The following FSTL4 variants were observed in gnomAD, a reference collection of about 807,000 sequenced individuals.
FSTL4 encodes the protein follistatin-related protein 4.
FSTL4 carries 28 observed loss-of-function variants against 78.2 expected under a neutral mutation model. The observed-to-expected ratio is 0.36, with a 90% CI of 0.27 to 0.49. The LOEUF is 0.49. FSTL4 is among the 20% of genes least tolerant of loss of function. The pLI is 0.98. For missense variants in FSTL4, 922 were observed against 1,084.9 expected, an observed-to-expected ratio of 0.85 and a Z score of 2.11; for synonymous variants, 422 against 440.5, an observed-to-expected ratio of 0.96 and a Z score of 0.53.
At chr5:133,657,262 G>A in the FSTL4 span, among the ~76,000 whole-genome samples, 62 of 152,296 alleles carry the variant, frequency 4.1e-4, no homozygotes, top group African/African-American at 1.3e-3. Flanking sequence ...GCATTGAGTG[G>A]CACATAGTTT....
the FSTL4 span, among the ~76,000 whole-genome samples, chr5:133,682,329 C>T: frequency 6.6e-6 from 1 of 152,200 alleles, no homozygotes; most frequent in Non-Finnish European, 1.5e-5. Context: ...CTAGTCTGTC[C>T]CAGATCATAG....
At chr5:133,535,090 G>C (rs770024097) in intron 3 of FSTL4, among the ~76,000 whole-genome samples, 5 of 152,194 alleles carry the variant, frequency 3.3e-5, no homozygotes, top group Non-Finnish European at 7.3e-5. Context: ...CTCATAAGAA[G>C]AGGCACAGAG....
chr5:133,784,511 C>T, the FSTL4 span, among the ~76,000 whole-genome samples: 1 of 152,100 alleles, frequency 6.6e-6, no homozygotes, highest in Admixed American at 6.5e-5. Context: ...TTGTTATCCC[C>T]GTTCTGAAGT....
At chr5:133,276,146 C>CAATCACAACAGAGAGCAA (rs1752878073) in intron 6 of FSTL4, among the ~76,000 whole-genome samples, 2 of 152,214 alleles carry the variant, frequency 1.3e-5, no homozygotes, top group Admixed American at 1.3e-4. Context: ...AATGTTTCCC[C>CAATCACAACAGAGAGCAA]TCTAAGTGGG....
the FSTL4 span, among the ~76,000 whole-genome samples, chr5:133,812,455 G>A: frequency 2.0e-5 from 3 of 152,194 alleles, no homozygotes; most frequent in Admixed American, 6.5e-5. Context: ...TCTTCCTTCT[G>A]GTTCTCAAAC....
At chr5:133,524,797 C>T (rs1284267390) in intron 3 of FSTL4, among the ~76,000 whole-genome samples, 2 of 152,208 alleles carry the variant, frequency 1.3e-5, no homozygotes, top group Non-Finnish European at 2.9e-5. Context: ...GGCAGCCATC[C>T]CGCTGCCTGG....
the FSTL4 span, among the ~76,000 whole-genome samples, chr5:133,831,488 T>C: frequency 6.6e-6 from 1 of 152,216 alleles, no homozygotes; most frequent in South Asian, 2.1e-4. Context: ...TTCTGGCTAA[T>C]GGCGTTATTA....
chr5:133,646,625 T>A, the FSTL4 span, among the ~76,000 whole-genome samples: 1 of 152,112 alleles, frequency 6.6e-6, no homozygotes, highest in Non-Finnish European at 1.5e-5. Context: ...ACTAAGGTGG[T>A]TCCTTCAAGG....
At chr5:133,400,099 G>A (rs1756181908) in intron 4 of FSTL4, among the ~76,000 whole-genome samples, 2 of 152,188 alleles carry the variant, frequency 1.3e-5, no homozygotes, top group Admixed American at 1.3e-4. Flanking sequence ...TGCCCTAATG[G>A]TTCTTACCGT....
At chr5:133,789,769 C>T in the FSTL4 span, among the ~76,000 whole-genome samples, 1 of 152,202 alleles carries the variant, frequency 6.6e-6, no homozygotes, top group Non-Finnish European at 1.5e-5. Flanking sequence ...ATGACCACCC[C>T]TCACTGTCCT....
intron 4 of FSTL4, among the ~76,000 whole-genome samples, chr5:133,364,279 G>A (rs1755131296): frequency 6.6e-6 from 1 of 150,670 alleles, no homozygotes; most frequent in South Asian, 2.1e-4. Context: ...CTAAAGCCCG[G>A]TTCTGTTGGG....
intron 8 of FSTL4, among the ~76,000 whole-genome samples, chr5:133,229,476 T>G (rs1438969204): frequency 6.6e-6 from 1 of 151,920 alleles, no homozygotes; most frequent in Non-Finnish European, 1.5e-5. Flanking sequence ...TGAGCCTAGA[T>G]CATGCTATTG....
the FSTL4 span, among the ~76,000 whole-genome samples, chr5:133,803,200 AG>A: frequency 6.6e-6 from 1 of 152,196 alleles, no homozygotes; most frequent in Non-Finnish European, 1.5e-5. Context: ...TTTCAGCTTG[AG>A]GGGTTTGCCT....
At chr5:133,771,774 C>G in the FSTL4 span, among the ~76,000 whole-genome samples, 1 of 151,924 alleles carries the variant, frequency 6.6e-6, no homozygotes, top group Non-Finnish European at 1.5e-5. Context: ...TAAACTAATT[C>G]TTTAGAAATT....
chr5:133,626,811 C>G, the FSTL4 span, among the ~76,000 whole-genome samples: 1 of 152,050 alleles, frequency 6.6e-6, no homozygotes, highest in Non-Finnish European at 1.5e-5. Flanking sequence ...AGTATATGGT[C>G]TATTTTGTTA....
At chr5:133,697,424 C>A in the FSTL4 span, among the ~76,000 whole-genome samples, 1 of 152,182 alleles carries the variant, frequency 6.6e-6, no homozygotes, top group African/African-American at 2.4e-5. Flanking sequence ...ACCATGCTGA[C>A]CTCTTCCCAA....
At chr5:133,403,389 C>T (rs1756282259) in intron 3 of FSTL4, among the ~76,000 whole-genome samples, 1 of 152,178 alleles carries the variant, frequency 6.6e-6, no homozygotes, top group African/African-American at 2.4e-5. Context: ...GCTACCAGCC[C>T]AAGTCCAAGT....
chr5:133,550,512 C>CT (rs1484750497), intron 3 of FSTL4, among the ~76,000 whole-genome samples: 1 of 152,140 alleles, frequency 6.6e-6, no homozygotes, highest in African/African-American at 2.4e-5. Flanking sequence ...TGAATAATAG[C>CT]TAACAATGAT....
chr5:133,733,343 T>G, the FSTL4 span, among the ~76,000 whole-genome samples: 4 of 152,228 alleles, frequency 2.6e-5, no homozygotes, highest in African/African-American at 9.6e-5. Context: ...TGAAACCCAC[T>G]GATCAACATT....
Sources: allele counts gnomAD v4.1 joint callset (sites outside exome capture counted in the v4.1 genomes callset), GRCh38; gene constraint gnomAD v4.1.1; transcripts MANE v1.5; gene names NCBI Gene and HGNC (gene_info 2026-07-23, HGNC 2026-07-21).